The following VTI1A variants were observed in gnomAD, a reference collection of about 807,000 sequenced individuals.
The protein encoded by VTI1A is vesicle transport through interaction with t-SNAREs homolog 1A.
In VTI1A, 22 loss-of-function variants were observed where a neutral mutation model predicts 34.9. The ratio of observed to expected loss-of-function variants is 0.63; its 90% CI spans 0.45 to 0.90. The LOEUF (loss-of-function observed/expected upper bound fraction) is 0.90. Among genes scored for constraint, VTI1A ranks in the 40% least tolerant of loss-of-function variants. The pLI, the probability that VTI1A is intolerant of heterozygous loss-of-function variation, is 0.00. For missense variants in VTI1A, 268 were observed against 275.6 expected (o/e 0.97, Z 0.20); for synonymous variants, 87 against 97.3 (o/e 0.89, Z 0.62).
chr10:112,667,713 GA>G (rs1406787617), intron 5 of VTI1A, among the ~76,000 whole-genome samples: 1 of 152,136 alleles, frequency 6.6e-6, no homozygotes, highest in Non-Finnish European at 1.5e-5. Context: ...AAAGCCTAGA[GA>G]TAGTTCACTA....
At chr10:112,832,356 T>C in the VTI1A span, 10 of 135,880 alleles carry the variant, frequency 7.4e-5, no homozygotes, top group Non-Finnish European at 1.5e-4. Context: ...TAGTGGGCTC[T>C]TAGTTAGGCT....
chr10:112,840,834 A>G, the VTI1A span, among the ~76,000 whole-genome samples: 1 of 152,222 alleles, frequency 6.6e-6, no homozygotes, highest in African/African-American at 2.4e-5. Context: ...TATAATGGGA[A>G]GAGAGTGGGT....
chr10:112,690,682 C>T (rs891204295), intron 7 of VTI1A, among the ~76,000 whole-genome samples: 4 of 152,148 alleles, frequency 2.6e-5, no homozygotes, highest in African/African-American at 4.8e-5. Flanking sequence ...GCTTCTTCAT[C>T]GGTAAAATGC....
In VTI1A at chr10:112,447,325, CCTTTCCCTGACCTAGG is replaced by C; in HGVS notation, c.-44_-29del. 6.3e-7 allele frequency: 1 copy of C among 1,588,494 alleles called. No individual in the cohort carries two copies. Among genetic ancestry groups the C allele is most frequent in the Non-Finnish European group, 8.6e-7 (1 of 1,166,400 alleles). On this transcript the variant is annotated 5_prime_UTR_variant, in exon 1 of 8. Transcript: ENST00000393077. Reference sequence around the variant, plus strand: ...GGGGCCCCTCGCTGCCCCTCGAGGCCCTTTCCCTGACCTAGGCTTTGGCCTGGGCTACTCGTTCCGG... The same window carrying C: ...GGGGCCCCTCGCTGCCCCTCGAGGCCCTTTGGCCTGGGCTACTCGTTCCGG...
the VTI1A span, among the ~76,000 whole-genome samples, chr10:112,845,639 C>A: frequency 6.6e-6 from 1 of 152,156 alleles, no homozygotes; most frequent in Non-Finnish European, 1.5e-5. Flanking sequence ...GGAGGAAAAG[C>A]CTCCGCGGGA....
At chr10:112,588,633 T>G (rs1283223149) in intron 5 of VTI1A, among the ~76,000 whole-genome samples, 1 of 152,208 alleles carries the variant, frequency 6.6e-6, no homozygotes, top group African/African-American at 2.4e-5. Context: ...AAAGGCAGGC[T>G]CTTTCCTGAG....
At chr10:112,463,518 G>A (rs544309402) in intron 2 of VTI1A, among the ~76,000 whole-genome samples, 3 of 152,092 alleles carry the variant, frequency 2.0e-5, no homozygotes, top group South Asian at 2.1e-4. Flanking sequence ...TGATGTCAAC[G>A]TAAGAGTCTG....
At chr10:112,575,109 C>G (rs968192804) in intron 5 of VTI1A, among the ~76,000 whole-genome samples, 80 of 152,340 alleles carry the variant, frequency 5.3e-4, no homozygotes, top group African/African-American at 1.9e-3. Context: ...TCCATGACCA[C>G]AAGGACCTTG....
chr10:112,506,906 T>G (rs1849450559), intron 3 of VTI1A, among the ~76,000 whole-genome samples: 1 of 152,076 alleles, frequency 6.6e-6, no homozygotes, highest in African/African-American at 2.4e-5. Flanking sequence ...ACAATTTCTT[T>G]GTCTTCTTTC....
intron 5 of VTI1A, among the ~76,000 whole-genome samples, chr10:112,551,389 C>T (rs1373731467): frequency 6.6e-6 from 1 of 151,276 alleles, no homozygotes; most frequent in Non-Finnish European, 1.5e-5. Context: ...TTATTAGGCT[C>T]TAAGAAATTA....
rs535941205 is a variant in VTI1A at position 112,544,909 on chromosome 10, G to A, written c.427+6579G>A. ...AGTCAAGTGGGGCAAGTTGTGTGGG[G>A]CCATGGGACATGGAAGGGGTCTGGA... On this transcript the variant is annotated intron_variant, in intron 5 of 7. Coordinates refer to ENST00000393077, the MANE Select transcript of VTI1A (RefSeq NM_145206.4). Among the ~76,000 whole-genome samples, 6 of 152,320 alleles carry A rather than the reference G, an allele frequency of 3.9e-5. No individual in the cohort carries two copies. In the East Asian group the frequency reaches 9.7e-4, roughly 25 times the overall value.
chr10:112,746,406 C>T (rs1305656927), intron 7 of VTI1A, among the ~76,000 whole-genome samples: 1 of 152,164 alleles, frequency 6.6e-6, no homozygotes, highest in African/African-American at 2.4e-5. Flanking sequence ...GCTTTCAGTG[C>T]CCTGGCACCT....
intron 7 of VTI1A, among the ~76,000 whole-genome samples, chr10:112,724,243 C>T (rs1375398076): frequency 6.6e-6 from 1 of 152,070 alleles, no homozygotes; most frequent in African/African-American, 2.4e-5. Context: ...TTATTACATG[C>T]ATTAATAACA....
chr10:112,849,629 A>C, the VTI1A span, among the ~76,000 whole-genome samples: 1 of 152,218 alleles, frequency 6.6e-6, no homozygotes, highest in Admixed American at 6.5e-5. Flanking sequence ...AGCTAATGTC[A>C]TTCTTGTCAC....
chr10:112,769,196 C>G (rs1213794243), intron 7 of VTI1A, among the ~76,000 whole-genome samples: 1 of 152,090 alleles, frequency 6.6e-6, no homozygotes, highest in Non-Finnish European at 1.5e-5. Flanking sequence ...GTTGGAAATC[C>G]AGATCACCAC....
chr10:112,792,295 C>T (rs896679760), intron 7 of VTI1A, among the ~76,000 whole-genome samples: 8 of 152,134 alleles, frequency 5.3e-5, no homozygotes, highest in African/African-American at 1.9e-4. Flanking sequence ...CAAACAAAAC[C>T]TGTAGACTCT....
chr10:112,595,858 C>T (rs915362384), intron 5 of VTI1A, among the ~76,000 whole-genome samples: 2 of 152,120 alleles, frequency 1.3e-5, no homozygotes, highest in Non-Finnish European at 2.9e-5. Flanking sequence ...AAGACACATG[C>T]ACCCGTATGT....
chr10:112,621,186 G>A (rs981553512), intron 5 of VTI1A, among the ~76,000 whole-genome samples: 5 of 152,120 alleles, frequency 3.3e-5, no homozygotes, highest in Admixed American at 6.5e-5. Flanking sequence ...AGTGTGTTTC[G>A]CTGCAGAAGG....
intron 7 of VTI1A, among the ~76,000 whole-genome samples, chr10:112,727,456 G>A (rs1415682805): frequency 6.6e-6 from 1 of 151,792 alleles, no homozygotes; most frequent in African/African-American, 2.4e-5. Context: ...TAATTCCTAG[G>A]AAGTTGAAGC....
Sources: allele counts gnomAD v4.1 joint callset (sites outside exome capture counted in the v4.1 genomes callset), GRCh38; gene constraint gnomAD v4.1.1; transcripts MANE v1.5; gene names NCBI Gene and HGNC (gene_info 2026-07-23, HGNC 2026-07-21).